VDAC1: variants seen among roughly 807,000 people sequenced by gnomAD.
The protein encoded by VDAC1 is non-selective voltage-gated ion channel VDAC1.
A neutral mutation model predicts 34.7 loss-of-function variants in VDAC1; 10 were observed. That is an observed-to-expected ratio of 0.29 (90% CI 0.18 to 0.49). The LOEUF (loss-of-function observed/expected upper bound fraction) is 0.49. VDAC1 is among the 20% of genes least tolerant of loss of function. The pLI is 0.99. For missense variants in VDAC1, 230 were observed against 347.9 expected, an observed-to-expected ratio of 0.66 and a Z score of 2.69; for synonymous variants, 130 against 136.0, an observed-to-expected ratio of 0.96 and a Z score of 0.30.
At chr5:133,991,446 C>T (rs1052923251) in intron 3 of VDAC1, among the ~76,000 whole-genome samples, 3 of 152,334 alleles carry the variant, frequency 2.0e-5, no homozygotes, top group Middle Eastern at 3.4e-3. Flanking sequence ...CAGGGCAGTA[C>T]AGAGAAAAAG....
intron 1 of VDAC1, among the ~76,000 whole-genome samples, chr5:133,999,539 G>A (rs769075256): frequency 2.0e-5 from 3 of 152,114 alleles, no homozygotes; most frequent in African/African-American, 4.8e-5. Flanking sequence ...GCCTTTCAAC[G>A]TGAGGTACTT....
the VDAC1 span, among the ~76,000 whole-genome samples, chr5:134,055,577 G>A: frequency 3.1e-4 from 34 of 110,678 alleles, no homozygotes; most frequent in Admixed American, 2.7e-3. Flanking sequence ...CCGCCACCAC[G>A]CCCCGCTAAT....
the VDAC1 span, among the ~76,000 whole-genome samples, chr5:134,095,431 T>G: frequency 1.3e-5 from 2 of 151,976 alleles, no homozygotes; most frequent in African/African-American, 2.4e-5. Context: ...TGCAGTGAGC[T>G]ATGATTGCAT....
At chr5:134,059,317 GGCTTGGACAT>G in the VDAC1 span, among the ~76,000 whole-genome samples, 1 of 152,224 alleles carries the variant, frequency 6.6e-6, no homozygotes, top group Non-Finnish European at 1.5e-5. Flanking sequence ...CCAGGAGAGA[GGCTTGGACAT>G]GCTCTGACCC....
chr5:134,088,385 C>T, the VDAC1 span, among the ~76,000 whole-genome samples: 1 of 152,152 alleles, frequency 6.6e-6, no homozygotes, highest in Non-Finnish European at 1.5e-5. Flanking sequence ...CAGGAAGCCC[C>T]ACTAGCCTGT....
chr5:134,040,461 G>A, the VDAC1 span, among the ~76,000 whole-genome samples: 1 of 152,170 alleles, frequency 6.6e-6, no homozygotes, highest in Admixed American at 6.5e-5. Flanking sequence ...TGTAGTCCCA[G>A]CTACTCGGGA....
chr5:133,990,619 G>A (rs1407698677), intron 5 of VDAC1, among the ~76,000 whole-genome samples: 2 of 152,196 alleles, frequency 1.3e-5, no homozygotes, highest in African/African-American at 4.8e-5. Flanking sequence ...CTTAGAAATC[G>A]TTTGTTGGGT....
chr5:133,992,200 T>A, intron 3 of VDAC1, 106 bp downstream of exon 3: 1 of 787,942 alleles, frequency 1.3e-6, no homozygotes, highest in Non-Finnish European at 1.7e-6. Flanking sequence ...CACGCCATTG[T>A]ACTCCAGCCT....
the VDAC1 span, among the ~76,000 whole-genome samples, chr5:134,036,729 G>A: frequency 2.0e-5 from 3 of 151,790 alleles, no homozygotes; most frequent in South Asian, 2.1e-4. Context: ...TGAGGCAGGC[G>A]GATCACGAGG....
At chr5:134,082,261 T>G in the VDAC1 span, among the ~76,000 whole-genome samples, 1 of 152,238 alleles carries the variant, frequency 6.6e-6, no homozygotes, top group Admixed American at 6.5e-5. Context: ...ACTGATCTGC[T>G]TTCTGTCAAT....
chr5:134,020,813 A>G, the VDAC1 span, among the ~76,000 whole-genome samples: 2 of 151,860 alleles, frequency 1.3e-5, no homozygotes, highest in Admixed American at 6.6e-5. Context: ...AGTAGCTGGG[A>G]TTACAGGCGC....
At chr5:134,110,043 T>C in the VDAC1 span, among the ~76,000 whole-genome samples, 21 of 152,326 alleles carry the variant, frequency 1.4e-4, 1 homozygote, top group Admixed American at 2.0e-4. Flanking sequence ...TCAAGCCTAA[T>C]GTTTCCTTCT....
the VDAC1 span, among the ~76,000 whole-genome samples, chr5:134,067,793 C>A: frequency 6.6e-6 from 1 of 152,116 alleles, no homozygotes; most frequent in Admixed American, 6.6e-5. Flanking sequence ...TTCTGTTACA[C>A]TCTCTTCCAA....
the VDAC1 span, among the ~76,000 whole-genome samples, chr5:134,060,275 G>A: frequency 2.0e-5 from 3 of 151,942 alleles, no homozygotes; most frequent in African/African-American, 4.8e-5. Context: ...TGCGCTGCAC[G>A]CACCTCATCC....
At chr5:133,979,453 G>A (rs1463795715) in intron 6 of VDAC1, among the ~76,000 whole-genome samples, 4 of 69,544 alleles carry the variant, frequency 5.8e-5, no homozygotes, top group African/African-American at 9.2e-5. Flanking sequence ...TTTTTGAGAC[G>A]GAGTCTTGCT....
chr5:134,100,015 C>T, the VDAC1 span, among the ~76,000 whole-genome samples: 2 of 152,246 alleles, frequency 1.3e-5, no homozygotes, highest in East Asian at 3.8e-4. Context: ...GGGGTCAATC[C>T]AAACACGCCC....
In VDAC1 at chr5:133,990,873, G is replaced by A; in HGVS notation, c.305C>T (p.Ser102Phe). The part of the protein sequence containing the change: ...ARGLKLTFDS[S>F]FSPNTGKKNA... ...CTCTTACCCAGTGTTAGGTGAGAAGGATGAATCGAAGGTCAGCTTCAGTCC... is the reference window on the plus strand; with the variant it reads ...CTCTTACCCAGTGTTAGGTGAGAAGAATGAATCGAAGGTCAGCTTCAGTCC... The change falls in exon 5 of 9, where the codon TCC (serine) becomes TTC (phenylalanine). Residue 102 changes from serine to phenylalanine, a missense_variant. By Grantham distance (155) the Ser-to-Phe change is radical. Transcript: ENST00000265333. The A allele has an allele frequency of 3.2e-6, 5 of 1,562,566 alleles. No homozygotes were observed. The highest frequency in any genetic ancestry group is 3.5e-6 in the Non-Finnish European group (4 of 1,153,048).
the VDAC1 span, among the ~76,000 whole-genome samples, chr5:134,090,537 C>T: frequency 4.8e-4 from 73 of 152,256 alleles, 1 homozygote; most frequent in South Asian, 0.012. Flanking sequence ...ATGCTTTGGC[C>T]TGGTTCTCTG....
the VDAC1 span, among the ~76,000 whole-genome samples, chr5:134,022,454 G>T: frequency 6.6e-6 from 1 of 152,162 alleles, no homozygotes; most frequent in Admixed American, 6.5e-5. Flanking sequence ...AGTATCACTT[G>T]GCAGAAGGGC....
Sources: allele counts gnomAD v4.1 joint callset (sites outside exome capture counted in the v4.1 genomes callset), GRCh38; gene constraint gnomAD v4.1.1; transcripts MANE v1.5; gene names NCBI Gene and HGNC (gene_info 2026-07-23, HGNC 2026-07-21).